CACNB2: variants seen among roughly 807,000 people sequenced by gnomAD.
The protein encoded by CACNB2 is voltage-dependent L-type calcium channel subunit beta-2.
CACNB2 carries 42 observed loss-of-function variants against 73.3 expected under a neutral mutation model. The observed-to-expected ratio is 0.57, with a 90% CI of 0.45 to 0.74. CACNB2 has a LOEUF of 0.74. Ranked by LOEUF, CACNB2 falls within the 30% of genes least tolerant of loss-of-function variation. The pLI, the probability that CACNB2 is intolerant of heterozygous loss-of-function variation, is 0.00. For synonymous variants in CACNB2, 348 were observed against 310.3 expected, an observed-to-expected ratio of 1.12 and a Z score of -1.28; for missense variants, 940 against 853.0, an observed-to-expected ratio of 1.10 and a Z score of -1.27.
chr10:18,469,376 C>A (rs1466339889), intron 3 of CACNB2, among the ~76,000 whole-genome samples: 2 of 152,238 alleles, frequency 1.3e-5, no homozygotes, highest in Non-Finnish European at 1.5e-5. Flanking sequence ...TCAATTACCC[C>A]ATCTTCCTTT....
intron 2 of CACNB2, among the ~76,000 whole-genome samples, chr10:18,342,825 CATATGTATATTTAT>C (rs753687766): frequency 2.1e-4 from 32 of 152,040 alleles, no homozygotes; most frequent in Non-Finnish European, 3.7e-4. Flanking sequence ...TTAAATTATA[CATATGTATATTTAT>C]ATATGTATAT....
At chr10:18,171,460 A>AT (rs2033221596) in intron 2 of CACNB2, among the ~76,000 whole-genome samples, 1 of 142,378 alleles carries the variant, frequency 7.0e-6, no homozygotes, top group African/African-American at 2.6e-5. Context: ...AGATTTCCCC[A>AT]TGCAGGCAGC....
chr10:18,315,347 CAAA>C (rs2040124510), intron 2 of CACNB2, among the ~76,000 whole-genome samples: 2 of 148,738 alleles, frequency 1.3e-5, no homozygotes, highest in African/African-American at 2.5e-5. Flanking sequence ...CAAAACAAAA[CAAA>C]ACAAAACAAA....
At chr10:18,431,806 C>T (rs965173099) in intron 3 of CACNB2, among the ~76,000 whole-genome samples, 1 of 151,806 alleles carries the variant, frequency 6.6e-6, no homozygotes. Flanking sequence ...GCTCTGTTGC[C>T]TAGGCTGGAG....
chr10:18,371,355 C>T (rs181907465), intron 2 of CACNB2, among the ~76,000 whole-genome samples: 22 of 152,142 alleles, frequency 1.4e-4, no homozygotes, highest in Admixed American at 1.2e-3. Flanking sequence ...ATCCCTCCCC[C>T]CTTTCCCCGA....
At chr10:18,473,925 G>C (rs1439181482) in intron 3 of CACNB2, among the ~76,000 whole-genome samples, 2 of 152,154 alleles carry the variant, frequency 1.3e-5, no homozygotes, top group Non-Finnish European at 1.5e-5. Context: ...TGCAGGTGCA[G>C]CTCCCCGCCA....
At chr10:18,210,545 G>A (rs929453287) in intron 2 of CACNB2, among the ~76,000 whole-genome samples, 1 of 152,014 alleles carries the variant, frequency 6.6e-6, no homozygotes, top group African/African-American at 2.4e-5. Context: ...GAGAAGACCT[G>A]GTTGGATTGC....
At chr10:18,471,887 T>C (rs1393740184) in intron 3 of CACNB2, among the ~76,000 whole-genome samples, 1 of 152,190 alleles carries the variant, frequency 6.6e-6, no homozygotes, top group Non-Finnish European at 1.5e-5. Flanking sequence ...CCTCTACAAA[T>C]ATCATATACT....
chr10:18,349,075 G>A (rs1416267512), intron 2 of CACNB2, among the ~76,000 whole-genome samples: 6 of 152,186 alleles, frequency 3.9e-5, no homozygotes, highest in East Asian at 3.8e-4. Flanking sequence ...AGCTGTGATC[G>A]TGCTTCTGCA....
At chr10:18,339,492 GC>G (rs1490333353) in intron 2 of CACNB2, among the ~76,000 whole-genome samples, 2 of 152,092 alleles carry the variant, frequency 1.3e-5, no homozygotes, top group Non-Finnish European at 2.9e-5. Flanking sequence ...CTGCACTACA[GC>G]CCGGGCAACA....
intron 2 of CACNB2, among the ~76,000 whole-genome samples, chr10:18,397,542 C>T (rs991354774): frequency 1.3e-5 from 2 of 151,412 alleles, no homozygotes; most frequent in Non-Finnish European, 2.9e-5. Flanking sequence ...CAATGAAACC[C>T]CGTCTCTACT....
At chr10:18,529,949 A>C (rs1221567188) in intron 10 of CACNB2, among the ~76,000 whole-genome samples, 2 of 152,232 alleles carry the variant, frequency 1.3e-5, no homozygotes, top group African/African-American at 4.8e-5. Flanking sequence ...GAGGCCTCAC[A>C]ATCATGGTAG....
intron 2 of CACNB2, among the ~76,000 whole-genome samples, chr10:18,374,803 T>A (rs900326672): frequency 2.0e-5 from 3 of 152,096 alleles, no homozygotes; most frequent in African/African-American, 4.8e-5. Flanking sequence ...TAGCATCAGC[T>A]CTATGCATAG....
chr10:18,221,950 C>T (rs2035809818), intron 2 of CACNB2, among the ~76,000 whole-genome samples: 1 of 152,190 alleles, frequency 6.6e-6, no homozygotes, highest in African/African-American at 2.4e-5. Flanking sequence ...AGAAGTATTT[C>T]ATCTACTACA....
chr10:18,261,516 T>C (rs1447013820), intron 2 of CACNB2, among the ~76,000 whole-genome samples: 2 of 152,208 alleles, frequency 1.3e-5, no homozygotes, highest in Non-Finnish European at 2.9e-5. Flanking sequence ...GAGATGTTTT[T>C]ATCTGTCTTT....
intron 2 of CACNB2, among the ~76,000 whole-genome samples, chr10:18,235,693 G>A (rs2036414717): frequency 6.6e-6 from 1 of 152,164 alleles, no homozygotes; most frequent in African/African-American, 2.4e-5. Flanking sequence ...CAAACTGACT[G>A]GTCTTGGCTC....
chr10:18,397,084 C>G (rs866451893), intron 2 of CACNB2, among the ~76,000 whole-genome samples: 80 of 152,116 alleles, frequency 5.3e-4, no homozygotes, highest in African/African-American at 1.9e-3. Flanking sequence ...AAGAATGCTC[C>G]AAAATACTGA....
chr10:18,389,902 G>T (rs754862757), intron 2 of CACNB2, among the ~76,000 whole-genome samples: 1 of 152,024 alleles, frequency 6.6e-6, no homozygotes, highest in Non-Finnish European at 1.5e-5. Flanking sequence ...TGATTTTTTC[G>T]TGAATTTTCT....
intron 3 of CACNB2, among the ~76,000 whole-genome samples, chr10:18,422,703 T>A (rs1169098002): frequency 7.2e-5 from 11 of 152,020 alleles, no homozygotes; most frequent in South Asian, 2.1e-4. Flanking sequence ...TCAAAAAAAA[T>A]TTTTTTTAAG....
Sources: allele counts gnomAD v4.1 joint callset (sites outside exome capture counted in the v4.1 genomes callset), GRCh38; gene constraint gnomAD v4.1.1; transcripts MANE v1.5; gene names NCBI Gene and HGNC (gene_info 2026-07-23, HGNC 2026-07-21).